Variants in MAP3K1 observed in about 807,000 individuals in gnomAD.
MAP3K1 encodes mitogen-activated protein kinase kinase kinase 1, also known as MAP/ERK kinase kinase 1.
In MAP3K1, 36 loss-of-function variants were observed where a neutral mutation model predicts 144.2. The ratio of observed to expected loss-of-function variants is 0.25; its 90% CI spans 0.19 to 0.33. The LOEUF (loss-of-function observed/expected upper bound fraction) is 0.33. Ranked by LOEUF, MAP3K1 falls within the 10% of genes least tolerant of loss-of-function variation. The pLI is 1.00. For synonymous variants in MAP3K1, 718 were observed against 688.7 expected (o/e 1.04, Z -0.67); for missense variants, 1,650 against 1,881.9 (o/e 0.88, Z 2.28).
At chr5:56,816,768 C>G (rs756329378) in intron 1 of MAP3K1, among the ~76,000 whole-genome samples, 1 of 152,210 alleles carries the variant, frequency 6.6e-6, no homozygotes, top group Non-Finnish European at 1.5e-5. Context: ...TTAGGAAGTG[C>G]GGTTTGTCTA....
intron 6 of MAP3K1, among the ~76,000 whole-genome samples, chr5:56,870,774 G>A (rs1235310532): frequency 1.3e-5 from 2 of 152,108 alleles, no homozygotes; most frequent in Non-Finnish European, 2.9e-5. Context: ...TTTAGCCATT[G>A]CCTTAATTAA....
intron 1 of MAP3K1, among the ~76,000 whole-genome samples, chr5:56,835,690 TG>T (rs1279769626): frequency 6.6e-6 from 1 of 151,808 alleles, no homozygotes; most frequent in Non-Finnish European, 1.5e-5. Context: ...TGAAGCATTT[TG>T]GGGTTTGGTG....
intron 1 of MAP3K1, among the ~76,000 whole-genome samples, chr5:56,816,469 C>G (rs549433495): frequency 7.2e-5 from 11 of 152,116 alleles, no homozygotes; most frequent in African/African-American, 2.6e-4. Flanking sequence ...GGGGCGAGGC[C>G]CGAGCCTGAG....
intron 1 of MAP3K1, among the ~76,000 whole-genome samples, chr5:56,833,571 C>T (rs771637500): frequency 1.2e-4 from 19 of 152,140 alleles, no homozygotes; most frequent in Non-Finnish European, 2.6e-4. Flanking sequence ...CAGGGAGCTT[C>T]CTGCAGTACC....
intron 6 of MAP3K1, among the ~76,000 whole-genome samples, chr5:56,868,486 G>A (rs1747746958): frequency 6.6e-6 from 1 of 152,110 alleles, no homozygotes; most frequent in Non-Finnish European, 1.5e-5. Flanking sequence ...CCGGGTTCAT[G>A]CCATTCTCCT....
At chr5:56,885,884 T>A (rs763073042) in intron 16 of MAP3K1, 48 bp from the exon 17 acceptor site, 7 of 1,570,084 alleles carry the variant, frequency 4.5e-6, no homozygotes, top group Non-Finnish European at 6.1e-6. Flanking sequence ...TAATAAATAC[T>A]TTTAATTCTG....
At chr5:56,832,716 A>T (rs1469274137) in intron 1 of MAP3K1, among the ~76,000 whole-genome samples, 1 of 152,220 alleles carries the variant, frequency 6.6e-6, no homozygotes, top group Non-Finnish European at 1.5e-5. Context: ...ATTATCTTGG[A>T]AAAATTATTC....
intron 1 of MAP3K1, among the ~76,000 whole-genome samples, chr5:56,846,610 G>A (rs150284260): frequency 7.0e-4 from 106 of 152,254 alleles, no homozygotes; most frequent in African/African-American, 2.5e-3. Context: ...AATTTTAAGA[G>A]TCACTGCATA....
Position 56,870,928 on chromosome 5 carries a change from T to TA in MAP3K1, c.1302-981dup, listed in dbSNP as rs554915370. ...TAACAAAATTTCCTTCCAGAGATTT[T>TA]AGTTTTTACTCCTACCAGCAGTCTA... On this transcript the variant is annotated intron_variant, in intron 6 of 19. Transcript: ENST00000399503. Among the ~76,000 whole-genome samples, 9 of 152,310 alleles carry TA rather than the reference T, an allele frequency of 5.9e-5. No individual in the cohort carries two copies. The East Asian group carries it at 9.6e-4, about 16-fold the overall frequency.
intron 6 of MAP3K1, 22 bp downstream of exon 6, chr5:56,865,999 C>G (rs1046737249): frequency 1.3e-5 from 21 of 1,559,952 alleles, no homozygotes; most frequent in Admixed American, 1.3e-4. Context: ...TTAAGGATTT[C>G]AAACATTAAT....
At chr5:56,879,401 A>G (rs983712036) in intron 11 of MAP3K1, among the ~76,000 whole-genome samples, 3 of 152,210 alleles carry the variant, frequency 2.0e-5, no homozygotes, top group Non-Finnish European at 4.4e-5. Flanking sequence ...AGTAGTTGAC[A>G]TTTATATCTA....
intron 11 of MAP3K1, 42 bp downstream of exon 11, chr5:56,879,143 A>G: frequency 6.2e-7 from 1 of 1,612,988 alleles, no homozygotes; most frequent in Non-Finnish European, 8.5e-7. Context: ...CTCTTGTCTT[A>G]AAAGTGCCTC....
intron 19 of MAP3K1, among the ~76,000 whole-genome samples, chr5:56,889,255 G>A (rs1051817678): frequency 3.3e-5 from 5 of 152,130 alleles, no homozygotes; most frequent in Non-Finnish European, 7.3e-5. Context: ...TATAGCCTCC[G>A]CTTCCCAGGT....
In MAP3K1 at chr5:56,882,247, C is replaced by T. The variant is rs766857345; in HGVS notation, c.3047C>T (p.Ser1016Phe). ...GGATTCATTCCCTGCAGAATACCTT[C>T]TGCATCTCCTCAAACACAGCGCAAG... Reference protein sequence around the residue: ...LQGFIPCRIPSASPQTQRKFS... With the variant: ...LQGFIPCRIPFASPQTQRKFS... Residue 1016 changes from serine (S) to phenylalanine (F), a missense_variant, in exon 14 of 20, where the codon TCT becomes TTT. By Grantham distance (155) the Ser-to-Phe change is radical. Transcript: ENST00000399503. 6.2e-7 allele frequency: 1 copy of T among 1,614,166 alleles called. No homozygotes were observed. The highest frequency in any genetic ancestry group is 1.1e-5 in the South Asian group (1 of 91,086).
At position 56,872,028 on chromosome 5, in the gene MAP3K1, A is replaced by G. The variant is rs869025263; in HGVS notation, c.1420A>G (p.Ile474Val). 6.2e-6 allele frequency: 10 copies of G among 1,613,892 alleles called. No homozygotes were observed. Among genetic ancestry groups the G allele is most frequent in the South Asian group, 2.2e-5 (2 of 91,090 alleles). The change falls in exon 7 of 20, where the codon ATT (isoleucine) becomes GTT (valine). Residue 474 changes from isoleucine (I) to valine (V), a missense_variant. This residue lies in a region of MAP3K1 where 125 missense variants were observed against 179.9 expected (regional missense o/e 0.69). Transcript: ENST00000399503. ...CAAGCTGCACCACCACTGCATGTCA[A>G]TTTGTATGTGGCTCTTTTTCTCCCT... ...RNKLHHHCMS[I>V]WAEECRRNRE...
intron 9 of MAP3K1, 144 bp downstream of exon 9, chr5:56,873,149 T>C: frequency 3.9e-6 from 3 of 775,914 alleles, no homozygotes; most frequent in Middle Eastern, 7.4e-4. Flanking sequence ...GAAATTTTAA[T>C]GTTACTTTTG....
chr5:56,854,988 C>T (rs1747294119), intron 1 of MAP3K1, among the ~76,000 whole-genome samples: 1 of 152,158 alleles, frequency 6.6e-6, no homozygotes, highest in Admixed American at 6.5e-5. Flanking sequence ...ATGCAGTCAC[C>T]ACATAAATTC....
At chr5:56,867,960 G>T (rs832577) in intron 6 of MAP3K1, among the ~76,000 whole-genome samples, 3 of 151,908 alleles carry the variant, frequency 2.0e-5, no homozygotes, top group African/African-American at 7.3e-5. Context: ...GGAAAATGTC[G>T]ATAAGTAAAA....
intron 1 of MAP3K1, among the ~76,000 whole-genome samples, chr5:56,822,307 G>T (rs553640902): frequency 7.2e-5 from 11 of 152,328 alleles, no homozygotes; most frequent in Admixed American, 1.3e-4. Context: ...TTACAGAAAT[G>T]AGCCACTGCG....
Sources: allele counts gnomAD v4.1 joint callset (sites outside exome capture counted in the v4.1 genomes callset), GRCh38; gene constraint gnomAD v4.1.1; regional missense constraint gnomAD v4.1.1; transcripts MANE v1.5; gene names NCBI Gene and HGNC (gene_info 2026-07-23, HGNC 2026-07-21).